The following TMEM236 variants were observed in gnomAD, a reference collection of about 807,000 sequenced individuals.
TMEM236 encodes the protein transmembrane protein 236, also known as family with sequence similarity 23, member A.
A neutral mutation model predicts 14.7 loss-of-function variants in TMEM236; 11 were observed. The ratio of observed to expected loss-of-function variants is 0.75; its 90% CI spans 0.47 to 1.24. The LOEUF is 1.24. TMEM236 is among the 50% of genes most tolerant of loss of function. The pLI is 0.00. For synonymous variants in TMEM236, 182 were observed against 168.6 expected (o/e 1.08, Z -0.62); for missense variants, 464 against 427.3 (o/e 1.09, Z -0.76).
rs1838012960 is a variant in TMEM236 at position 17,796,245 on chromosome 10, T to C, written c.797T>C (p.Leu266Pro). Residue 266 changes from leucine to proline, a missense_variant, in exon 4 of 4, where the codon CTA becomes CCA. By Grantham distance (98) the Leu-to-Pro change is moderately conservative. Coordinates refer to ENST00000377495, the MANE Select transcript of TMEM236 (RefSeq NM_001098844.3). ...CCCAACGTGTACAAGTCAAGCTGGC[T>C]ATACCCAGTCTACATATTCAGTTTT... is the stretch of plus-strand genomic sequence containing the variant. ...GHPNVYKSSW[L>P]YPVYIFSFIS... 1.2e-6 allele frequency: 2 copies of C among 1,613,860 alleles called. No individual in the cohort carries two copies. The highest frequency in any genetic ancestry group is 1.3e-5 in the African/African-American group (1 of 74,926).
intron 2 of TMEM236, among the ~76,000 whole-genome samples, chr10:17,774,205 C>T (rs1056302095): frequency 1.6e-4 from 25 of 151,974 alleles, no homozygotes; most frequent in South Asian, 6.2e-4. Context: ...CCACCACACC[C>T]GGCTAATGTT....
chr10:17,761,487 G>A (rs936887648), intron 1 of TMEM236, among the ~76,000 whole-genome samples: 16 of 152,204 alleles, frequency 1.1e-4, no homozygotes, highest in Non-Finnish European at 1.9e-4. Context: ...GAGGTCTGGA[G>A]TTCAAAACCA....
chr10:17,785,052 G>C (rs1837811929), intron 3 of TMEM236, among the ~76,000 whole-genome samples: 1 of 152,232 alleles, frequency 6.6e-6, no homozygotes, highest in Admixed American at 6.5e-5. Context: ...GGAGTTCGCA[G>C]AGCAGGAAGG....
intron 1 of TMEM236, among the ~76,000 whole-genome samples, chr10:17,755,482 G>A (rs1837272474): frequency 6.6e-6 from 1 of 152,172 alleles, no homozygotes. Flanking sequence ...CTTGCCAGGA[G>A]ACTTTCATTT....
At chr10:17,758,823 C>A (rs995777288) in intron 1 of TMEM236, among the ~76,000 whole-genome samples, 1 of 152,084 alleles carries the variant, frequency 6.6e-6, no homozygotes, top group Non-Finnish European at 1.5e-5. Flanking sequence ...AGAATGAACA[C>A]CAGAATGGTG....
Position 17,798,558 on chromosome 10 carries a change from G to T in TMEM236, c.*2054G>T. 1 of 534,278 alleles carries T rather than the reference G, an allele frequency of 1.9e-6. No homozygotes were observed. 33.1% of individuals were successfully genotyped at this position (534,278 alleles called of 1,614,324 possible). ...ATCTAAAAAAAATAAAAGAGAATTT[G>T]ACGTTGTGTTATTCTACGCTCCACC... On this transcript the variant is annotated 3_prime_UTR_variant, in exon 4 of 4. Coordinates refer to ENST00000377495, the MANE Select transcript of TMEM236 (RefSeq NM_001098844.3).
intron 3 of TMEM236, among the ~76,000 whole-genome samples, chr10:17,779,086 T>C (rs1182900411): frequency 6.6e-6 from 1 of 152,128 alleles, no homozygotes; most frequent in Non-Finnish European, 1.5e-5. Flanking sequence ...CGTGCAGAAA[T>C]AACAAGAATA....
chr10:17,759,487 G>A (rs1837325460), intron 1 of TMEM236, among the ~76,000 whole-genome samples: 1 of 152,112 alleles, frequency 6.6e-6, no homozygotes, highest in Non-Finnish European at 1.5e-5. Context: ...CCTGGCTTAA[G>A]GTTTTAACAT....
At position 17,798,725 on chromosome 10, in the gene TMEM236, G is replaced by A; in HGVS notation, c.*2221G>A. ...TGAGGTAGGTTCTATAACCTCTGTG[G>A]GTCCCCGTTTCCACATGTAAAAGAT... is the stretch of plus-strand genomic sequence containing the variant. On this transcript the variant is annotated 3_prime_UTR_variant, in exon 4 of 4. Coordinates refer to ENST00000377495, the MANE Select transcript of TMEM236 (RefSeq NM_001098844.3). The A allele has an allele frequency of 1.9e-6, 1 of 533,560 alleles. No homozygotes were observed. Among genetic ancestry groups the A allele is most frequent in the Non-Finnish European group, 3.9e-6 (1 of 259,588 alleles). The allele number at this position is 533,560 out of a possible 1,614,324, so 33.1% of individuals were successfully genotyped here.
chr10:17,785,257 T>C (rs1214712705), intron 3 of TMEM236, among the ~76,000 whole-genome samples: 2 of 152,132 alleles, frequency 1.3e-5, no homozygotes, highest in East Asian at 3.9e-4. Context: ...CATCAACGTG[T>C]CTTCACTATA....
chr10:17,786,318 G>A (rs1044873782), intron 3 of TMEM236, among the ~76,000 whole-genome samples: 12 of 152,120 alleles, frequency 7.9e-5, no homozygotes, highest in Admixed American at 3.9e-4. Context: ...CATATCTTAG[G>A]TCAAAGAGAG....
chr10:17,757,494 G>T (rs1837300405), intron 1 of TMEM236, among the ~76,000 whole-genome samples: 2 of 151,740 alleles, frequency 1.3e-5, no homozygotes, highest in Admixed American at 1.3e-4. Context: ...AGCTGCTCTG[G>T]GAGCTAAAGG....
chr10:17,755,117 T>A (rs1837267449), intron 1 of TMEM236, among the ~76,000 whole-genome samples: 1 of 151,206 alleles, frequency 6.6e-6, no homozygotes, highest in African/African-American at 2.4e-5. Context: ...GTTTTTTTTT[T>A]TTTTTGTATT....
At chr10:17,756,447 G>A (rs1321470116) in intron 1 of TMEM236, among the ~76,000 whole-genome samples, 5 of 151,958 alleles carry the variant, frequency 3.3e-5, no homozygotes, top group Admixed American at 6.6e-5. Context: ...AGTTGTGCAC[G>A]ACCACACCCG....
At position 17,752,462 on chromosome 10, in the gene TMEM236, C is replaced by T. The variant is rs1419881477; in HGVS notation, c.167C>T (p.Ala56Val). 2 of 1,613,818 alleles carry T rather than the reference C, an allele frequency of 1.2e-6. No individual in the cohort carries two copies. The highest frequency in any genetic ancestry group is 2.7e-5 in the African/African-American group (2 of 74,914). ...HYWLIISCSI[A>V]YVALVTLLIW... The stretch of plus-strand genomic sequence containing the variant: ...TGGCTGATCATCTCCTGTTCTATTG[C>T]CTATGTTGCGTTAGTGACTCTACTG... Residue 56 changes from alanine (A) to valine (V), a missense_variant, in exon 1 of 4, where the codon GCC (alanine) becomes GTC (valine). Ala to Val is a moderately conservative substitution (Grantham distance 64, BLOSUM62 0). Coordinates refer to ENST00000377495, the MANE Select transcript of TMEM236 (RefSeq NM_001098844.3).
intron 1 of TMEM236, among the ~76,000 whole-genome samples, chr10:17,761,592 G>A (rs1207014896): frequency 6.6e-6 from 1 of 151,666 alleles, no homozygotes; most frequent in African/African-American, 2.4e-5. Flanking sequence ...TACTCAGGAG[G>A]CTGAGGCAGG....
intron 3 of TMEM236, among the ~76,000 whole-genome samples, chr10:17,776,940 T>C (rs1716440029): frequency 1.3e-5 from 2 of 152,230 alleles, no homozygotes. Flanking sequence ...CTTGCGGTAG[T>C]ATCTGTGTTT....
intron 1 of TMEM236, among the ~76,000 whole-genome samples, chr10:17,767,267 C>T (rs555418640): frequency 0.12 from 17,814 of 151,802 alleles, 1,111 homozygotes; most frequent in Middle Eastern, 0.15. Context: ...TCCAGACCAG[C>T]CTGACCAAGA....
intron 1 of TMEM236, among the ~76,000 whole-genome samples, chr10:17,770,365 A>G (rs952598179): frequency 8.5e-5 from 13 of 152,060 alleles, no homozygotes; most frequent in African/African-American, 3.1e-4. Flanking sequence ...ATACATTTAA[A>G]TTTTCTATTT....
Sources: allele counts gnomAD v4.1 joint callset (sites outside exome capture counted in the v4.1 genomes callset), GRCh38; gene constraint gnomAD v4.1.1; transcripts MANE v1.5; gene names NCBI Gene and HGNC (gene_info 2026-07-23, HGNC 2026-07-21).